Variants in LAMA1 observed in about 807,000 individuals in gnomAD.
LAMA1 encodes laminin subunit alpha 1.
Under a neutral mutation model 348.7 loss-of-function variants are expected in LAMA1, and 219 were observed. The ratio of observed to expected loss-of-function variants is 0.63; its 90% CI spans 0.56 to 0.70. The LOEUF is 0.70. Among genes scored for constraint, LAMA1 ranks in the 30% least tolerant of loss-of-function variants. LAMA1 has a pLI of 0.00. For missense variants in LAMA1, 3,744 were observed against 3,888.0 expected (o/e 0.96, Z 0.99); for synonymous variants, 1,487 against 1,491.0 (o/e 1.00, Z 0.06).
intron 1 of LAMA1, among the ~76,000 whole-genome samples, chr18:7,099,482 A>T (rs927684367): frequency 2.3e-4 from 32 of 136,606 alleles, no homozygotes; most frequent in Non-Finnish European, 3.0e-4. Context: ...AAATAAATTT[A>T]AAAAAAAACA....
chr18:7,039,854 A>C (rs1188896045), intron 10 of LAMA1, among the ~76,000 whole-genome samples: 1 of 152,172 alleles, frequency 6.6e-6, no homozygotes, highest in African/African-American at 2.4e-5. Flanking sequence ...TCTGGAATAT[A>C]TCACCATTAC....
At chr18:6,947,027 C>A in intron 61 of LAMA1, 136 bp downstream of exon 61, 1 of 1,155,118 alleles carries the variant, frequency 8.7e-7, no homozygotes, top group South Asian at 1.4e-5. Context: ...GTAGCAATAT[C>A]TGTTTTTAAA....
rs569068710 is a variant in LAMA1, at chr18:6,963,017, A to G, written c.7338-958T>C. On this transcript the variant is annotated intron_variant, in intron 51 of 62. Coordinates refer to ENST00000389658, the MANE Select transcript of LAMA1 (RefSeq NM_005559.4). ...GCACTCTTCTGTACCAGCTCTTCACAGGAGAGCTTTGCAATAACATGGTTT... is the reference window on the plus strand; with the variant it reads ...GCACTCTTCTGTACCAGCTCTTCACGGGAGAGCTTTGCAATAACATGGTTT... 7.2e-5 allele frequency among the ~76,000 whole-genome samples: 11 copies of G among 152,234 alleles called. No homozygotes were observed. In the South Asian group the frequency reaches 2.3e-3, roughly 32 times the overall value.
intron 23 of LAMA1, among the ~76,000 whole-genome samples, chr18:7,013,276 A>T (rs1407930064): frequency 1.3e-5 from 2 of 152,094 alleles, no homozygotes; most frequent in African/African-American, 2.4e-5. Context: ...CATTACCATC[A>T]TCAAGCCAGA....
At chr18:6,945,427 C>A (rs773881971) in intron 61 of LAMA1, among the ~76,000 whole-genome samples, 1 of 152,012 alleles carries the variant, frequency 6.6e-6, no homozygotes, top group Non-Finnish European at 1.5e-5. Flanking sequence ...CAAAACCCAG[C>A]GGGGAGTAAG....
intron 1 of LAMA1, among the ~76,000 whole-genome samples, chr18:7,104,419 A>G (rs2143825406): frequency 6.6e-6 from 1 of 152,312 alleles, no homozygotes; most frequent in East Asian, 1.9e-4. Context: ...TTAAGGAGAG[A>G]CAGGCAAGTC....
intron 1 of LAMA1, among the ~76,000 whole-genome samples, chr18:7,100,261 T>A (rs894582422): frequency 1.3e-5 from 2 of 151,972 alleles, no homozygotes; most frequent in African/African-American, 4.8e-5. Flanking sequence ...TCTGAAAAGA[T>A]GCTCAATGTC....
chr18:6,997,193 A>G (rs1218780549), intron 33 of LAMA1, among the ~76,000 whole-genome samples: 3 of 152,138 alleles, frequency 2.0e-5, no homozygotes, highest in East Asian at 3.9e-4. Context: ...CCTCCCAGGT[A>G]GCTGGGACTA....
Position 6,985,302 on chromosome 18 carries a change from G to T in LAMA1, c.5595C>A (p.Val1865=). The change falls in exon 39 of 63, where the codon GTC becomes GTA. Residue 1865 remains valine, a synonymous_variant. Transcript: ENST00000389658. ...LVMHMSQRNA[V]DLVYRAEDHA... ...GGTCCTCAGCTCTGTAGACCAGGTC[G>T]ACTGCGTTCCTTTGGGACATGTGCA... 1 of 1,614,172 alleles carries T rather than the reference G, an allele frequency of 6.2e-7. No individual in the cohort carries two copies. Among genetic ancestry groups the T allele is most frequent in the Non-Finnish European group, 8.5e-7 (1 of 1,180,026 alleles).
chr18:6,980,548 G>T lies in LAMA1; in HGVS notation c.5980C>A (p.Leu1994Ile). Residue 1994 changes from leucine (L) to isoleucine (I), a missense_variant, in exon 42 of 63, where the codon CTC (leucine) becomes ATC (isoleucine). Coordinates refer to ENST00000389658, the MANE Select transcript of LAMA1 (RefSeq NM_005559.4). ...VEITRQTNES[L>I]LILRAIPKGI... Reference sequence around the variant, plus strand: ...TTAGGAATTGCTCTAAGTATCAAGAGTGATTCATTGGTTTGCCTGGTAATT... The same window carrying T: ...TTAGGAATTGCTCTAAGTATCAAGATTGATTCATTGGTTTGCCTGGTAATT... The T allele has an allele frequency of 3.1e-6, 5 of 1,610,586 alleles. No individual in the cohort carries two copies. Among genetic ancestry groups the T allele is most frequent in the Non-Finnish European group, 4.2e-6 (5 of 1,176,860 alleles).
intron 4 of LAMA1, 53 bp from the exon 5 acceptor site, chr18:7,049,310 T>C: frequency 6.5e-7 from 1 of 1,534,782 alleles, no homozygotes. Flanking sequence ...TTTATTTATT[T>C]ATTTTTTGAG....
chr18:7,013,840 T>C lies in LAMA1; in HGVS notation c.3338A>G (p.Glu1113Gly). ...NLEQGLCGCV[E>G]ETGACPCKEN... ...CTTGCAAGGGCAGGCCCCGGTTTCCTCCACACAGCCGCAGAGACCCTGCTC... is the reference window on the plus strand; with the variant it reads ...CTTGCAAGGGCAGGCCCCGGTTTCCCCCACACAGCCGCAGAGACCCTGCTC... The change falls in exon 23 of 63, where the codon GAG becomes GGG. Residue 1113 changes from glutamate (E) to glycine (G), a missense_variant. This residue lies in a region of LAMA1 where 1,529 missense variants were observed against 1,689.4 expected (regional missense o/e 0.91). Coordinates refer to ENST00000389658, the MANE Select transcript of LAMA1 (RefSeq NM_005559.4). 1.9e-6 allele frequency: 3 copies of C among 1,611,538 alleles called. No homozygotes were observed. The highest frequency in any genetic ancestry group is 2.5e-6 in the Non-Finnish European group (3 of 1,178,770).
At chr18:7,076,786 C>G (rs2058170026) in intron 3 of LAMA1, 1 of 152,126 alleles carries the variant, frequency 6.6e-6, no homozygotes, top group African/African-American at 2.4e-5. Flanking sequence ...GGTATGGTAT[C>G]TAATCAGAAC....
At chr18:7,000,061 T>C in intron 30 of LAMA1, 64 bp from the exon 31 acceptor site, 2 of 1,199,510 alleles carry the variant, frequency 1.7e-6, no homozygotes, top group Non-Finnish European at 2.4e-6. Context: ...CTTAAGGTAC[T>C]TATTCATTAC....
chr18:7,020,250 C>T (rs1013657938), intron 19 of LAMA1, among the ~76,000 whole-genome samples: 6 of 152,158 alleles, frequency 3.9e-5, no homozygotes, highest in East Asian at 1.9e-4. Context: ...CGGCTGCAGC[C>T]GCTGCCCCAC....
chr18:7,043,352 T>C lies in LAMA1; in HGVS notation c.1030A>G (p.Lys344Glu). The C allele has an allele frequency of 1.2e-6, 2 of 1,614,072 alleles. No individual in the cohort carries two copies. Among genetic ancestry groups the C allele is most frequent in the South Asian group, 1.1e-5 (1 of 91,082 alleles). ...GCAGTATTCAAACTTTTCTTCTGCT[T>C]TGCAACACTTTCATCATAGTAACAG... ...KDCYYDESVA[K>E]QKKSLNTAGQ... Residue 344 changes from lysine to glutamate, a missense_variant, in exon 8 of 63, where the codon AAG becomes GAG. Around this residue, in one of 3 missense-constraint regions of LAMA1, gnomAD observed 1,529 missense variants for 1,689.4 expected, o/e 0.91. Transcript: ENST00000389658.
chr18:7,072,041 C>G (rs75029135), intron 3 of LAMA1, among the ~76,000 whole-genome samples: 1 of 152,022 alleles, frequency 6.6e-6, no homozygotes. Flanking sequence ...TGTTACAGAG[C>G]GAAGAGATGA....
intron 19 of LAMA1, among the ~76,000 whole-genome samples, chr18:7,019,259 T>C (rs1303674655): frequency 3.3e-5 from 5 of 152,256 alleles, no homozygotes; most frequent in East Asian, 3.9e-4. Context: ...TCTTACCCCG[T>C]GGCTCTGCGG....
In LAMA1 at chr18:7,023,324, A is replaced by G. The variant is rs775077543; in HGVS notation, c.2541T>C (p.Val847=). 10 of 1,614,170 alleles carry G rather than the reference A, an allele frequency of 6.2e-6. No individual in the cohort carries two copies. The highest frequency in any genetic ancestry group is 8.5e-7 in the Non-Finnish European group (1 of 1,180,030). The change falls in exon 19 of 63, where the codon GTT becomes GTC. Residue 847 remains valine (V), a synonymous_variant. Coordinates refer to ENST00000389658, the MANE Select transcript of LAMA1 (RefSeq NM_005559.4). ...CCACGTTGCCGCTGCAGTCACAGGG[A>G]ACACAAGATTCGCCAGGCACTGTTG... ...GNPTVPGESC[V]PCDCSGNVDP...
Sources: allele counts gnomAD v4.1 joint callset (sites outside exome capture counted in the v4.1 genomes callset), GRCh38; gene constraint gnomAD v4.1.1; regional missense constraint gnomAD v4.1.1; transcripts MANE v1.5; gene names NCBI Gene and HGNC (gene_info 2026-07-23, HGNC 2026-07-21).